PACRG: variants seen among roughly 807,000 people sequenced by gnomAD.
PACRG encodes the protein parkin coregulated gene protein.
Under a neutral mutation model 29.7 loss-of-function variants are expected in PACRG, and 29 were observed. The observed-to-expected ratio is 0.98, with a 90% CI of 0.73 to 1.33. PACRG has a LOEUF of 1.33. PACRG is among the 40% of genes most tolerant of loss of function. PACRG has a pLI of 0.00. For missense variants in PACRG, 279 were observed against 316.2 expected, an observed-to-expected ratio of 0.88 and a Z score of 0.89; for synonymous variants, 116 against 118.7, an observed-to-expected ratio of 0.98 and a Z score of 0.15.
At chr6:162,940,232 A>G (rs897085746) in intron 2 of PACRG, among the ~76,000 whole-genome samples, 2 of 152,180 alleles carry the variant, frequency 1.3e-5, no homozygotes, top group African/African-American at 4.8e-5. Context: ...GGTTTAGAAG[A>G]AAAACTTAAG....
At chr6:162,931,384 A>T (rs1190015239) in intron 2 of PACRG, among the ~76,000 whole-genome samples, 1 of 16,386 alleles carries the variant, frequency 6.1e-5, no homozygotes, top group African/African-American at 3.0e-4. Context: ...GTCATATATA[A>T]AAAAAAATTT....
intron 3 of PACRG, among the ~76,000 whole-genome samples, chr6:163,070,830 A>T (rs889913924): frequency 1.3e-5 from 2 of 152,066 alleles, no homozygotes; most frequent in African/African-American, 4.8e-5. Context: ...AGGAAGACAC[A>T]CGTAGACTGA....
chr6:163,294,044 ACC>A (rs869170332), intron 4 of PACRG, among the ~76,000 whole-genome samples: 4,619 of 152,224 alleles, frequency 0.03, 232 homozygotes, highest in African/African-American at 0.11. Context: ...TTATTTCTTT[ACC>A]CCCCAAAAAA....
At position 163,124,915 on chromosome 6, in the gene PACRG, A is replaced by T. The variant is rs192973905; in HGVS notation, c.613+35507A>T. 5.9e-5 allele frequency among the ~76,000 whole-genome samples: 9 copies of T among 152,360 alleles called. No individual in the cohort carries two copies. In the East Asian group the frequency reaches 1.5e-3, roughly 26 times the overall value. On this transcript the variant is annotated intron_variant, in intron 4 of 4. Coordinates refer to ENST00000366888, the MANE Select transcript of PACRG (RefSeq NM_001080379.2). ...TTTAAAACGTCTTTCACATCCTTCA[A>T]AATGTATAATCTCATGAATTACAGT...
intron 1 of PACRG, among the ~76,000 whole-genome samples, chr6:162,772,016 A>G (rs2128303538): frequency 6.6e-6 from 1 of 152,308 alleles, no homozygotes; most frequent in Admixed American, 6.5e-5. Context: ...GATAGAAAGA[A>G]TTTGTGAAAG....
At chr6:162,912,460 A>G (rs1486285528) in intron 2 of PACRG, among the ~76,000 whole-genome samples, 1 of 152,188 alleles carries the variant, frequency 6.6e-6, no homozygotes, top group Admixed American at 6.5e-5. Context: ...CATCCTTGCC[A>G]GCATGTAGCA....
chr6:163,190,379 G>A (rs1355584012), intron 4 of PACRG: 1 of 152,236 alleles, frequency 6.6e-6, no homozygotes, highest in Non-Finnish European at 1.5e-5. Flanking sequence ...GTTGGAATAT[G>A]AGGTTTGAAA....
intron 4 of PACRG, among the ~76,000 whole-genome samples, chr6:163,192,637 T>C (rs1441519055): frequency 6.9e-6 from 1 of 144,432 alleles, no homozygotes; most frequent in East Asian, 2.3e-4. Context: ...TTAAGGTGTT[T>C]ATTTCATTTT....
At position 163,089,390 on chromosome 6, in the gene PACRG, A is replaced by T. The variant is rs776149854; in HGVS notation, c.595A>T (p.Ile199Phe). Residue 199 changes from isoleucine (I) to phenylalanine (F), a missense_variant, in exon 4 of 5, where the codon ATC (isoleucine) becomes TTC (phenylalanine). Physicochemically the swap from Ile to Phe is conservative, Grantham distance 21. Transcript: ENST00000366888. ...CCGTCAAATCCTCCCTGTCCTGAAC[A>T]TCTTTAAGAATATGAATGGTGAGTG... ...YYRQILPVLN[I>F]FKNMNVNSGD... 3 of 1,613,818 alleles carry T rather than the reference A, an allele frequency of 1.9e-6. No individual in the cohort carries two copies. Among genetic ancestry groups the T allele is most frequent in the Non-Finnish European group, 2.5e-6 (3 of 1,179,892 alleles).
In PACRG at chr6:163,159,335, G is replaced by A. The variant is rs1022692501; in HGVS notation, c.613+69927G>A. ...TAATTTATTATATATTTACATTTTA[G>A]CTAAAAATAATAAATGATTTATTAT... On this transcript the variant is annotated intron_variant, in intron 4 of 4. Transcript: ENST00000366888. Among the ~76,000 whole-genome samples the A allele has an allele frequency of 7.8e-4, 115 of 147,284 alleles. 2 individuals carry two copies. The highest frequency in any genetic ancestry group is 2.2e-4 in the Non-Finnish European group (15 of 66,968).
chr6:163,280,710 A>G (rs1046837129), intron 4 of PACRG, among the ~76,000 whole-genome samples: 2 of 152,178 alleles, frequency 1.3e-5, no homozygotes, highest in Non-Finnish European at 2.9e-5. Flanking sequence ...GTGCACTCAC[A>G]TGGCCTTTCC....
intron 4 of PACRG, among the ~76,000 whole-genome samples, chr6:163,195,550 ATCGT>A (rs995258063): frequency 5.3e-5 from 8 of 152,234 alleles, no homozygotes; most frequent in African/African-American, 1.9e-4. Flanking sequence ...CAGCGGCGAA[ATCGT>A]TCCCCCGCTT....
At chr6:162,766,931 G>A (rs1294138437) in intron 1 of PACRG, among the ~76,000 whole-genome samples, 1 of 151,806 alleles carries the variant, frequency 6.6e-6, no homozygotes, top group Admixed American at 6.6e-5. Context: ...TGTTCAGTTT[G>A]TGAAATTTTT....
At chr6:163,309,805 G>A (rs936957120) in intron 4 of PACRG, among the ~76,000 whole-genome samples, 32 of 152,176 alleles carry the variant, frequency 2.1e-4, no homozygotes, top group Admixed American at 3.9e-4. Context: ...TGGTCTCGCT[G>A]TTCCCTTTGA....
Position 163,062,359 on chromosome 6 carries a change from C to T in PACRG, c.463+38C>T, listed in dbSNP as rs369026156. On this transcript the variant is annotated intron_variant, in intron 3 of 4. Transcript: ENST00000366888. ...GTGAAAAAGCATCACTCAGTTTATA[C>T]GGTGTTGCTTTTTGACAACTTGCTA... 1.0e-4 allele frequency: 163 copies of T among 1,564,048 alleles called. No homozygotes were observed. In the African/African-American group the frequency reaches 1.3e-3, roughly 13 times the overall value.
At chr6:162,932,529 A>G (rs1192048158) in intron 2 of PACRG, among the ~76,000 whole-genome samples, 1 of 152,034 alleles carries the variant, frequency 6.6e-6, no homozygotes. Flanking sequence ...TTTCCTTGAT[A>G]GGAGACTTTT....
chr6:163,065,503 G>T (rs1293116493), intron 3 of PACRG, among the ~76,000 whole-genome samples: 3 of 152,156 alleles, frequency 2.0e-5, no homozygotes, highest in African/African-American at 7.2e-5. Context: ...AGAGCAACCA[G>T]CAAACTCTAA....
intron 4 of PACRG, among the ~76,000 whole-genome samples, chr6:163,167,334 G>C (rs1248237633): frequency 8.5e-5 from 13 of 152,120 alleles, no homozygotes; most frequent in Admixed American, 8.5e-4. Context: ...ATTTTTCGGA[G>C]GGCAGTTTGA....
chr6:162,927,405 A>G (rs1269287063), intron 2 of PACRG, among the ~76,000 whole-genome samples: 1 of 152,156 alleles, frequency 6.6e-6, no homozygotes, highest in African/African-American at 2.4e-5. Flanking sequence ...ATCAACCCAA[A>G]TGCGCATCAA....
Sources: gnomAD v4.1 joint callset for allele counts (sites outside exome capture counted in the v4.1 genomes callset) on GRCh38, gnomAD v4.1.1 for gene constraint, MANE v1.5 for transcripts, NCBI Gene and HGNC (gene_info 2026-07-23, HGNC 2026-07-21) for gene names.